Variants in DNAAF9 observed in about 807,000 individuals in gnomAD.
DNAAF9 encodes shulin.
DNAAF9 carries 90 observed loss-of-function variants against 167.0 expected under a neutral mutation model. That is an observed-to-expected ratio of 0.54 (90% CI 0.45 to 0.64). The LOEUF is 0.64. Ranked by LOEUF, DNAAF9 falls within the 30% of genes least tolerant of loss-of-function variation. The pLI is 0.00. For missense variants in DNAAF9, 1,315 were observed against 1,442.2 expected (o/e 0.91, Z 1.43); for synonymous variants, 491 against 508.8 (o/e 0.96, Z 0.47).
chr20:3,350,130 CAGACACACAG>C (rs2070286112), intron 7 of DNAAF9, among the ~76,000 whole-genome samples: 1 of 139,374 alleles, frequency 7.2e-6, no homozygotes, highest in African/African-American at 2.7e-5. Flanking sequence ...ATCAGACACA[CAGACACACAG>C]ACACACAGAC....
At chr20:3,393,202 G>C (rs2083850230) in intron 1 of DNAAF9, among the ~76,000 whole-genome samples, 1 of 152,016 alleles carries the variant, frequency 6.6e-6, no homozygotes, top group East Asian at 1.9e-4. Context: ...TTTTGAGACA[G>C]TGTCTCGCTC....
intron 25 of DNAAF9, among the ~76,000 whole-genome samples, chr20:3,290,520 ATAGAT>A (rs1383829316): frequency 5.3e-5 from 8 of 152,232 alleles, no homozygotes; most frequent in African/African-American, 1.9e-4. Context: ...CATATTGTGA[ATAGAT>A]TAGTTAAAAT....
At chr20:3,402,061 C>T (rs1485029698) in intron 1 of DNAAF9, among the ~76,000 whole-genome samples, 1 of 152,152 alleles carries the variant, frequency 6.6e-6, no homozygotes, top group Non-Finnish European at 1.5e-5. Flanking sequence ...TCCTTTCTTA[C>T]ACCTGCCTGA....
At chr20:3,385,882 T>A (rs984678423) in intron 1 of DNAAF9, among the ~76,000 whole-genome samples, 1 of 152,220 alleles carries the variant, frequency 6.6e-6, no homozygotes, top group Non-Finnish European at 1.5e-5. Flanking sequence ...CATACCATGT[T>A]CATGGATTAG....
intron 18 of DNAAF9, chr20:3,316,088 G>T: frequency 2.2e-6 from 1 of 452,070 alleles, no homozygotes; most frequent in Non-Finnish European, 3.9e-6. Context: ...CTGTTTTTAG[G>T]GATGAAGCAA....
intron 1 of DNAAF9, among the ~76,000 whole-genome samples, chr20:3,392,214 C>T (rs2083836605): frequency 6.6e-6 from 1 of 152,150 alleles, no homozygotes; most frequent in Non-Finnish European, 1.5e-5. Context: ...CCATACCCAG[C>T]AATGACACTG....
intron 1 of DNAAF9, among the ~76,000 whole-genome samples, chr20:3,396,246 T>C (rs978216471): frequency 6.6e-6 from 1 of 152,226 alleles, no homozygotes; most frequent in African/African-American, 2.4e-5. Context: ...AAGAACTTGC[T>C]AAACTCTAAT....
At chr20:3,361,777 T>C in intron 6 of DNAAF9, 1 of 1,071,846 alleles carries the variant, frequency 9.3e-7, no homozygotes, top group Non-Finnish European at 1.3e-6. Flanking sequence ...TCCAGTACTC[T>C]GAGGTCTACA....
intron 1 of DNAAF9, among the ~76,000 whole-genome samples, chr20:3,393,416 G>A (rs1460035930): frequency 6.6e-6 from 1 of 152,096 alleles, no homozygotes; most frequent in Non-Finnish European, 1.5e-5. Context: ...GGAGGCTGAG[G>A]TGTGGAGACT....
At chr20:3,318,253 C>T (rs768380861) in intron 17 of DNAAF9, 36 bp downstream of exon 17, 11 of 795,898 alleles carry the variant, frequency 1.4e-5, no homozygotes, top group South Asian at 6.1e-5. Flanking sequence ...AAAAAAAAGG[C>T]TTAAGGTTTG....
At chr20:3,322,114 T>G (rs2069626164) in intron 16 of DNAAF9, 103 bp downstream of exon 16, 1 of 753,854 alleles carries the variant, frequency 1.3e-6, no homozygotes, top group East Asian at 2.6e-5. Flanking sequence ...CTTCTTCAGG[T>G]GGGGTGGGCT....
intron 6 of DNAAF9, among the ~76,000 whole-genome samples, chr20:3,370,954 A>C (rs1443242313): frequency 6.6e-6 from 1 of 152,182 alleles, no homozygotes; most frequent in African/African-American, 2.4e-5. Context: ...AGAGCGGTAG[A>C]GGGAGGTACA....
At chr20:3,264,183 G>A (rs74391752) in intron 31 of DNAAF9, among the ~76,000 whole-genome samples, 6,160 of 152,270 alleles carry the variant, frequency 0.04, 172 homozygotes, top group African/African-American at 0.08. Context: ...AGGGCACAGC[G>A]GTGCTTGCTG....
intron 1 of DNAAF9, among the ~76,000 whole-genome samples, chr20:3,383,425 C>G (rs959627230): frequency 6.6e-6 from 1 of 151,848 alleles, no homozygotes; most frequent in African/African-American, 2.4e-5. Context: ...TGTGCCACCA[C>G]GCCCGGCTAA....
At chr20:3,282,227 C>T (rs1467693973) in intron 27 of DNAAF9, among the ~76,000 whole-genome samples, 1 of 152,198 alleles carries the variant, frequency 6.6e-6, no homozygotes, top group Admixed American at 6.5e-5. Flanking sequence ...ATACAGCTCA[C>T]ATTGGTATCT....
intron 10 of DNAAF9, among the ~76,000 whole-genome samples, chr20:3,337,276 T>G (rs1320270111): frequency 6.6e-6 from 1 of 151,506 alleles, no homozygotes; most frequent in Non-Finnish European, 1.5e-5. Flanking sequence ...TTGTTTTTTT[T>G]TTTTTGAGAC....
intron 10 of DNAAF9, among the ~76,000 whole-genome samples, chr20:3,332,813 A>AG (rs2069856068): frequency 6.6e-6 from 1 of 152,034 alleles, no homozygotes; most frequent in African/African-American, 2.4e-5. Flanking sequence ...TTAAAGACAC[A>AG]GGGGAAAAGA....
chr20:3,290,523 G>A (rs1465599795), intron 25 of DNAAF9, among the ~76,000 whole-genome samples: 4 of 152,156 alleles, frequency 2.6e-5, no homozygotes, highest in Non-Finnish European at 5.9e-5. Flanking sequence ...ATTGTGAATA[G>A]ATTAGTTAAA....
intron 25 of DNAAF9, among the ~76,000 whole-genome samples, chr20:3,293,837 G>C (rs999769195): frequency 6.6e-6 from 1 of 152,186 alleles, no homozygotes; most frequent in African/African-American, 2.4e-5. Context: ...AGGAAGAGCT[G>C]ATGGCATGAA....
Sources: gnomAD v4.1 joint callset for allele counts (sites outside exome capture counted in the v4.1 genomes callset) on GRCh38, gnomAD v4.1.1 for gene constraint, MANE v1.5 for transcripts, NCBI Gene and HGNC (gene_info 2026-07-23, HGNC 2026-07-21) for gene names.